Variants in TMEM44 observed in about 807,000 individuals in gnomAD.
The protein encoded by TMEM44 is transmembrane protein 44.
In TMEM44, 43 loss-of-function variants were observed where a neutral mutation model predicts 47.8. The ratio of observed to expected loss-of-function variants is 0.90; its 90% CI spans 0.70 to 1.16. TMEM44 has a LOEUF of 1.16. Ranked by LOEUF, TMEM44 falls within the 50% of genes most tolerant of loss-of-function variation. The probability of loss-of-function intolerance (pLI) is 0.00; values close to 1 mark genes in which losing one functional copy is unlikely to be tolerated. For missense variants in TMEM44, 568 were observed against 555.2 expected (o/e 1.02, Z -0.23); for synonymous variants, 277 against 238.8 (o/e 1.16, Z -1.48).
rs1216886924 is a variant in TMEM44, at chr3:194,611,329, A to G, written c.913-309T>C. ...GGTTGGTCTCAAAGTCCTGGGCTCA[A>G]GTGATCCACGAGTGATCCTCCCACC... is the stretch of plus-strand genomic sequence containing the variant. On this transcript the variant is annotated intron_variant, in intron 7 of 9. Coordinates refer to ENST00000347147, the MANE Select transcript of TMEM44 (RefSeq NM_001011655.3). This position sits in a 1 kb window ranked among gnomAD's most constrained non-coding sequence, Gnocchi z 4.2. Among the ~76,000 whole-genome samples, 1 of 152,122 alleles carries G rather than the reference A, an allele frequency of 6.6e-6. No homozygotes were observed. The highest frequency in any genetic ancestry group is 6.5e-5 in the Admixed American group (1 of 15,272).
intron 1 of TMEM44, among the ~76,000 whole-genome samples, chr3:194,631,521 C>A (rs893273809): frequency 6.6e-6 from 1 of 152,200 alleles, no homozygotes; most frequent in Non-Finnish European, 1.5e-5. Context: ...AGTCTGGGCC[C>A]TGGGCTCCTA....
intron 6 of TMEM44, among the ~76,000 whole-genome samples, chr3:194,616,154 C>T (rs111951375): frequency 0.019 from 2,851 of 152,024 alleles, 83 homozygotes; most frequent in African/African-American, 0.065. Flanking sequence ...CTGGTTCAAG[C>T]GATTCTCTCG....
At chr3:194,615,886 G>A (rs529651990) in intron 6 of TMEM44, among the ~76,000 whole-genome samples, 189 bp from the exon 7 acceptor site, 2 of 152,160 alleles carry the variant, frequency 1.3e-5, no homozygotes, top group East Asian at 1.9e-4. Context: ...CTGTCCTCAC[G>A]AGGGCCCAGC....
intron 1 of TMEM44, among the ~76,000 whole-genome samples, chr3:194,631,741 G>C (rs1717850228): frequency 6.6e-6 from 1 of 152,136 alleles, no homozygotes; most frequent in Non-Finnish European, 1.5e-5. Flanking sequence ...CCAGCTCTTG[G>C]GGCCAGGGTG....
Position 194,588,201 on chromosome 3 carries a change from C to T in TMEM44, c.*328G>A, listed in dbSNP as rs562213931. On this transcript the variant is annotated 3_prime_UTR_variant, in exon 10 of 10. Coordinates refer to ENST00000347147, the MANE Select transcript of TMEM44 (RefSeq NM_001011655.3). Reference sequence around the variant, plus strand: ...CATTCCTGGAACCTAGCAGGTATTCCGTTCATGGCTGACTCTCAAGGGAAT... The same window carrying T: ...CATTCCTGGAACCTAGCAGGTATTCTGTTCATGGCTGACTCTCAAGGGAAT... The T allele has an allele frequency of 5.8e-5, 15 of 260,182 alleles. No homozygotes were observed. Among genetic ancestry groups the T allele is most frequent in the Middle Eastern group, 1.4e-3 (1 of 740 alleles). The allele number at this position is 260,182 out of a possible 1,614,324, so 16.1% of individuals were successfully genotyped here.
intron 7 of TMEM44, among the ~76,000 whole-genome samples, chr3:194,614,752 G>A (rs1715696217): frequency 6.6e-6 from 1 of 152,242 alleles, no homozygotes; most frequent in African/African-American, 2.4e-5. Flanking sequence ...TATGTAGCAT[G>A]TGAACTTAAC....
intron 2 of TMEM44, among the ~76,000 whole-genome samples, chr3:194,627,566 ATGACTATGTAT>A (rs1717309728): frequency 6.6e-6 from 1 of 152,220 alleles, no homozygotes; most frequent in African/African-American, 2.4e-5. Context: ...AAAGCTCTAA[ATGACTATGTAT>A]TGGGCACCTA....
At chr3:194,630,933 C>A (rs1455021097) in intron 1 of TMEM44, among the ~76,000 whole-genome samples, 1 of 140,116 alleles carries the variant, frequency 7.1e-6, no homozygotes, top group Non-Finnish European at 1.5e-5. Flanking sequence ...CGTTGTCGCA[C>A]ATGCCTCCTG....
At chr3:194,612,750 C>T (rs528809566) in intron 7 of TMEM44, among the ~76,000 whole-genome samples, 37 of 152,268 alleles carry the variant, frequency 2.4e-4, no homozygotes, top group Admixed American at 1.3e-3. Context: ...CTGCAAGCTC[C>T]GCCTTCTGGG....
intron 7 of TMEM44, among the ~76,000 whole-genome samples, chr3:194,612,703 C>A (rs7619575): frequency 0.38 from 57,599 of 151,892 alleles, 11,744 homozygotes; most frequent in East Asian, 0.78. Flanking sequence ...CTCGCTCTGT[C>A]GCCCAGGCTG....
Position 194,588,374 on chromosome 3 carries a change from T to C in TMEM44, c.*155A>G. 7.8e-6 allele frequency: 5 copies of C among 643,436 alleles called. No individual in the cohort carries two copies. The highest frequency in any genetic ancestry group is 1.9e-5 in the South Asian group (1 of 52,620). The allele number at this position is 643,436 out of a possible 1,614,324, so 39.9% of individuals were successfully genotyped here. ...GTCGTAGCTCCGTGATGAGCTATGA[T>C]GTAGCCCAGCCACACTCAGTGACGG... On this transcript the variant is annotated 3_prime_UTR_variant, in exon 10 of 10. Coordinates refer to ENST00000347147, the MANE Select transcript of TMEM44 (RefSeq NM_001011655.3).
chr3:194,603,160 G>A lies in TMEM44; in HGVS notation c.1176+1127C>T, dbSNP rs117219328. Among the ~76,000 whole-genome samples, 214 of 152,338 alleles carry A rather than the reference G, an allele frequency of 1.4e-3. 4 individuals carry two copies. In the East Asian group the frequency reaches 0.032, roughly 23 times the overall value. ...GCTGAATGGGGCTGGGAACCACAGC[G>A]GTGGGACCAAGAGAGAGAACAGCTC... is the stretch of plus-strand genomic sequence containing the variant. On this transcript the variant is annotated intron_variant, in intron 9 of 9. Transcript: ENST00000347147.
Position 194,611,114 on chromosome 3 carries a change from CG to C in TMEM44, c.913-95del. ...GTCACATTTTATTCAAAAGGACCCC[CG>C]TGGTATTTTCTCTCTCTCTTTTTTA... On this transcript the variant is annotated intron_variant, in intron 7 of 9. Coordinates refer to ENST00000347147, the MANE Select transcript of TMEM44 (RefSeq NM_001011655.3). The surrounding 1 kb of genome is among the most constrained non-coding windows in gnomAD (Gnocchi z 4.2). The C allele has an allele frequency of 1.0e-6, 1 of 979,854 alleles. No individual in the cohort carries two copies. The highest frequency in any genetic ancestry group is 1.6e-6 in the Non-Finnish European group (1 of 627,610). 60.7% of individuals were successfully genotyped at this position (979,854 alleles called of 1,614,324 possible). A position where few individuals can be genotyped will look rare whatever the true frequency, so the allele number is the denominator to read the frequency against.
intron 3 of TMEM44, among the ~76,000 whole-genome samples, chr3:194,624,511 T>C (rs930389325): frequency 6.6e-6 from 1 of 152,122 alleles, no homozygotes; most frequent in African/African-American, 2.4e-5. Flanking sequence ...CTCCACCTCC[T>C]GGGCTCAAGT....
intron 2 of TMEM44, 105 bp downstream of exon 2, chr3:194,628,278 C>A: frequency 6.9e-7 from 1 of 1,439,354 alleles, no homozygotes; most frequent in South Asian, 1.4e-5. Flanking sequence ...CTGTGCTATG[C>A]ATGTTGCAGC....
At chr3:194,600,398 G>A (rs1307160975) in intron 9 of TMEM44, among the ~76,000 whole-genome samples, 1 of 151,782 alleles carries the variant, frequency 6.6e-6, no homozygotes, top group Non-Finnish European at 1.5e-5. Flanking sequence ...CTCCTAAAGT[G>A]CTGGGATTAC....
Position 194,623,174 on chromosome 3 carries a change from C to T in TMEM44, c.612+50G>A, listed in dbSNP as rs200207740. Reference sequence around the variant, plus strand: ...GACCCTCTCAGGATGCTCCCAGATGCCCTGAGACTGTCATGTGACCCACAG... The same window carrying T: ...GACCCTCTCAGGATGCTCCCAGATGTCCTGAGACTGTCATGTGACCCACAG... On this transcript the variant is annotated intron_variant, in intron 5 of 9. Coordinates refer to ENST00000347147, the MANE Select transcript of TMEM44 (RefSeq NM_001011655.3). The T allele has an allele frequency of 5.6e-5, 86 of 1,535,818 alleles. No homozygotes were observed. The African/African-American group carries it at 1.1e-3, about 19-fold the overall frequency.
intron 8 of TMEM44, among the ~76,000 whole-genome samples, chr3:194,606,844 G>C (rs1388052460): frequency 6.6e-6 from 1 of 150,490 alleles, no homozygotes; most frequent in Non-Finnish European, 1.5e-5. Flanking sequence ...TATTTGGGAG[G>C]CTGAGGCATG....
At chr3:194,600,550 C>T (rs931061330) in intron 9 of TMEM44, among the ~76,000 whole-genome samples, 7 of 152,100 alleles carry the variant, frequency 4.6e-5, no homozygotes, top group Admixed American at 3.9e-4. Flanking sequence ...AGATCGTGAC[C>T]ATCTTGGCCA....
Sources: allele counts gnomAD v4.1 joint callset (sites outside exome capture counted in the v4.1 genomes callset), GRCh38; gene constraint gnomAD v4.1.1; non-coding constraint Gnocchi (gnomAD v3.1); transcripts MANE v1.5; gene names NCBI Gene and HGNC (gene_info 2026-07-23, HGNC 2026-07-21).